TET2: variants seen among roughly 807,000 people sequenced by gnomAD.
TET2 encodes the protein methylcytosine dioxygenase TET2.
A neutral mutation model predicts 142.9 loss-of-function variants in TET2; 299 were observed. That is an observed-to-expected ratio of 2.09 (90% CI 1.90 to 2.30). The LOEUF (loss-of-function observed/expected upper bound fraction) is 2.30. Among genes scored for constraint, TET2 ranks in the 30% most tolerant of loss-of-function variants. TET2 has a pLI of 0.00. For missense variants in TET2, 2,418 were observed against 2,378.0 expected (o/e 1.02, Z -0.35); for synonymous variants, 819 against 849.0 (o/e 0.96, Z 0.61).
At chr4:105,250,062 T>A (rs1729787325) in intron 6 of TET2, among the ~76,000 whole-genome samples, 1 of 152,218 alleles carries the variant, frequency 6.6e-6, no homozygotes, top group African/African-American at 2.4e-5. Flanking sequence ...TAATTAATGT[T>A]GAGTTAATTT....
intron 3 of TET2, chr4:105,238,251 T>C (rs907273700): frequency 4.2e-6 from 1 of 238,394 alleles, no homozygotes; most frequent in Non-Finnish European, 8.9e-6. Flanking sequence ...TATTGATCGC[T>C]GTGGACTGAT....
In TET2 at chr4:105,234,705, C is replaced by T. The variant is rs1334256290; in HGVS notation, c.763C>T (p.Gln255Ter). 1 of 1,614,070 alleles carries T rather than the reference C, an allele frequency of 6.2e-7. No individual in the cohort carries two copies. Among genetic ancestry groups the T allele is most frequent in the Non-Finnish European group, 8.5e-7 (1 of 1,180,024 alleles). Residue 255 changes from glutamine (Q) to a stop codon, truncating the protein, a stop_gained, in exon 3 of 11, where the codon CAG becomes TAG. Transcript: ENST00000380013. LOFTEE classifies it high-confidence loss of function. ...ATCTCACATAAATGCCATTAACAGTCAGGCTACTAATGAGTTGTCCTGTGA... is the reference window on the plus strand; with the variant it reads ...ATCTCACATAAATGCCATTAACAGTTAGGCTACTAATGAGTTGTCCTGTGA... ...TTSHINAINS[Q>*]ATNELSCEIT...
At chr4:105,152,747 C>A (rs1293441696) in intron 1 of TET2, among the ~76,000 whole-genome samples, 1 of 151,844 alleles carries the variant, frequency 6.6e-6, no homozygotes, top group South Asian at 2.1e-4. Context: ...GGAGCGTGCC[C>A]CACCACACCT....
chr4:105,240,521 A>G, intron 3 of TET2: 1 of 1,078,584 alleles, frequency 9.3e-7, no homozygotes, highest in Non-Finnish European at 1.1e-6. Flanking sequence ...TACCCGTGCC[A>G]TGTTTTCCCT....
intron 2 of TET2, among the ~76,000 whole-genome samples, chr4:105,227,186 T>G (rs1728242320): frequency 6.6e-6 from 1 of 152,198 alleles, no homozygotes. Flanking sequence ...TCTTAAATTT[T>G]AACTAAATGC....
intron 6 of TET2, among the ~76,000 whole-genome samples, chr4:105,254,010 G>A (rs1434069997): frequency 6.6e-6 from 1 of 152,128 alleles, no homozygotes; most frequent in African/African-American, 2.4e-5. Context: ...GGCATACCTG[G>A]AGCAAATCCC....
chr4:105,241,440 C>T lies in TET2; in HGVS notation c.3500+11C>T, dbSNP rs748776247. 176 of 1,548,488 alleles carry T rather than the reference C, an allele frequency of 1.1e-4. 1 individual carries two copies. The highest frequency in any genetic ancestry group is 1.4e-4 in the Non-Finnish European group (166 of 1,146,108). On this transcript the variant is annotated intron_variant, in intron 4 of 10. Coordinates refer to ENST00000380013, the MANE Select transcript of TET2 (RefSeq NM_001127208.3). The stretch of plus-strand genomic sequence containing the variant: ...AATCATGGAAGAAAGGTAATTAACG[C>T]AAAGGCACAGGGCAGATTAACGTTT...
chr4:105,202,667 T>C (rs1726554469), intron 2 of TET2: 1 of 152,232 alleles, frequency 6.6e-6, no homozygotes, highest in African/African-American at 2.4e-5. Context: ...ACACTTAGTA[T>C]TTTTAGTAAC....
rs1214543106 is a variant in TET2 at position 105,279,509 on chromosome 4, G to A, written c.*2990G>A. 4.3e-6 allele frequency: 1 copy of A among 232,524 alleles called. No homozygotes were observed. Among genetic ancestry groups the A allele is most frequent in the Non-Finnish European group, 8.5e-6 (1 of 117,728 alleles). 14.4% of individuals were successfully genotyped at this position (232,524 alleles called of 1,614,324 possible). ...CTTGAATGAATTTTTCATCTTGATT[G>A]ACGCACAGTGATGTACAGTTCACTT... is the stretch of plus-strand genomic sequence containing the variant. On this transcript the variant is annotated 3_prime_UTR_variant, in exon 11 of 11. Transcript: ENST00000380013.
At chr4:105,159,632 G>A (rs143123280) in intron 1 of TET2, among the ~76,000 whole-genome samples, 11 of 152,320 alleles carry the variant, frequency 7.2e-5, no homozygotes, top group African/African-American at 2.4e-4. Context: ...AACATGAGCA[G>A]ATGATGCTTT....
In TET2 at chr4:105,190,464, T is replaced by A. The variant is rs539491821; in HGVS notation, c.-88T>A. 2 of 701,962 alleles carry A rather than the reference T, an allele frequency of 2.8e-6. No homozygotes were observed. Among genetic ancestry groups the A allele is most frequent in the South Asian group, 3.0e-5 (2 of 67,560 alleles). 43.5% of individuals were successfully genotyped at this position (701,962 alleles called of 1,614,324 possible). A position where few individuals can be genotyped will look rare whatever the true frequency, so the allele number is the denominator to read the frequency against. ...AGGAGATGGGCTCAGCAGCAGCCAA[T>A]AGGACATGATCCAGGAAGAGCAGTA... is the stretch of plus-strand genomic sequence containing the variant. On this transcript the variant is annotated 5_prime_UTR_variant, in exon 2 of 11. Transcript: ENST00000380013.
At chr4:105,146,330 C>A (rs932593075), upstream of TET2, 1 of 152,534 alleles carries the variant, frequency 6.6e-6, no homozygotes, top group African/African-American at 2.4e-5. Context: ...CCCCAACCTT[C>A]GCGCTTGCTC....
Position 105,269,754 on chromosome 4 carries a change from T to C in TET2, c.4182+7T>C. The C allele has an allele frequency of 6.4e-7, 1 of 1,551,550 alleles. No individual in the cohort carries two copies. The highest frequency in any genetic ancestry group is 8.7e-7 in the Non-Finnish European group (1 of 1,146,884). On this transcript the variant is annotated splice_region_variant and intron_variant, in intron 9 of 10. Transcript: ENST00000380013. ...GCAGAATGGCAGCACATTGGTAAGT[T>C]GGGCTGAGGACAGCTTAGCAGCTGT...
intron 1 of TET2, among the ~76,000 whole-genome samples, chr4:105,182,056 C>A (rs1289687837): frequency 1.3e-5 from 2 of 151,798 alleles, no homozygotes; most frequent in Non-Finnish European, 2.9e-5. Context: ...ATTTTTATTT[C>A]TTTTATCAAA....
rs746357005 is a variant in TET2 at position 105,237,199 on chromosome 4, C to T, written c.3257C>T (p.Thr1086Ile). The T allele has an allele frequency of 1.9e-6, 3 of 1,614,022 alleles. No homozygotes were observed. The African/African-American group carries it at 4.0e-5, about 22-fold the overall frequency. The change falls in exon 3 of 11, where the codon ACT becomes ATT. Residue 1086 changes from threonine to isoleucine, a missense_variant. Physicochemically the swap from Thr to Ile is moderately conservative, Grantham distance 89. Transcript: ENST00000380013. ...ACCCCAGCTTTAGAGCAGCAAACAA[C>T]TTCTTCAGAAAAGACACCAACCAAA... is the stretch of plus-strand genomic sequence containing the variant. ...SHTPALEQQT[T>I]SSEKTPTKRT...
chr4:105,266,993 T>G (rs960698962), intron 8 of TET2, among the ~76,000 whole-genome samples: 1 of 150,894 alleles, frequency 6.6e-6, no homozygotes, highest in Non-Finnish European at 1.5e-5. Flanking sequence ...GAAAGGCAAA[T>G]GGAGAAAAAA....
At chr4:105,270,151 G>C (rs1730882026) in intron 9 of TET2, among the ~76,000 whole-genome samples, 1 of 152,178 alleles carries the variant, frequency 6.6e-6, no homozygotes, top group Non-Finnish European at 1.5e-5. Flanking sequence ...ATCTCATGTT[G>C]AGGAGCAGAA....
intron 2 of TET2, among the ~76,000 whole-genome samples, chr4:105,213,117 C>G (rs982199732): frequency 9.2e-5 from 14 of 152,070 alleles, no homozygotes; most frequent in Non-Finnish European, 5.9e-5. Flanking sequence ...GTTTTACAAG[C>G]TTGAGTTTAA....
At chr4:105,180,310 A>T (rs1725040930) in intron 1 of TET2, among the ~76,000 whole-genome samples, 1 of 152,170 alleles carries the variant, frequency 6.6e-6, no homozygotes, top group South Asian at 2.1e-4. Context: ...TAAAATGGTG[A>T]TTTGATTCAT....
Sources: allele counts gnomAD v4.1 joint callset (sites outside exome capture counted in the v4.1 genomes callset), GRCh38; gene constraint gnomAD v4.1.1; transcripts MANE v1.5; gene names NCBI Gene and HGNC (gene_info 2026-07-23, HGNC 2026-07-21).